The following CACHD1 variants were observed in gnomAD, a reference collection of about 807,000 sequenced individuals.
The protein encoded by CACHD1 is VWFA and cache domain-containing protein 1.
Under a neutral mutation model 138.7 loss-of-function variants are expected in CACHD1, and 71 were observed. That is an observed-to-expected ratio of 0.51 (90% CI 0.42 to 0.62). The LOEUF (loss-of-function observed/expected upper bound fraction) is 0.62. Among genes scored for constraint, CACHD1 ranks in the 20% least tolerant of loss-of-function variants. The pLI is 0.00. For missense variants in CACHD1, 1,389 were observed against 1,625.3 expected (o/e 0.85, Z 2.50); for synonymous variants, 578 against 591.5 (o/e 0.98, Z 0.33).
intron 1 of CACHD1, among the ~76,000 whole-genome samples, chr1:64,482,815 T>G (rs913909716): frequency 6.6e-6 from 1 of 152,150 alleles, no homozygotes; most frequent in Non-Finnish European, 1.5e-5. Context: ...ATAACAAATG[T>G]AGGCAAGAGT....
chr1:64,678,295 G>A lies in CACHD1; in HGVS notation c.3229G>A (p.Asp1077Asn), dbSNP rs1382505388. 6.3e-7 allele frequency: 1 copy of A among 1,584,448 alleles called. No individual in the cohort carries two copies. The highest frequency in any genetic ancestry group is 1.9e-5 in the Admixed American group (1 of 51,760). ...GGGAGCCAAAAGTCCCTACGTTGAT[G>A]ACATGGGAGCAATAGGTATGTTTGT... ...IVGAKSPYVD[D>N]MGAIGDEVIT... Residue 1077 changes from aspartate (D) to asparagine (N), a missense_variant, in exon 23 of 27, where the codon GAC (aspartate) becomes AAC (asparagine). Asp to Asn is a conservative substitution (Grantham distance 23). Coordinates refer to ENST00000651257, the MANE Select transcript of CACHD1 (RefSeq NM_020925.4).
At chr1:64,582,979 G>A (rs1210359886) in intron 3 of CACHD1, among the ~76,000 whole-genome samples, 1 of 152,128 alleles carries the variant, frequency 6.6e-6, no homozygotes, top group Non-Finnish European at 1.5e-5. Flanking sequence ...TTCTACCAAT[G>A]TGGAAAATAA....
intron 20 of CACHD1, 87 bp from the exon 21 acceptor site, chr1:64,675,810 A>G (rs1038138104): frequency 3.5e-5 from 30 of 867,794 alleles, no homozygotes; most frequent in Non-Finnish European, 4.8e-5. Flanking sequence ...ACTAGCTCAG[A>G]GCTTCATTAT....
intron 4 of CACHD1, among the ~76,000 whole-genome samples, chr1:64,618,164 A>G (rs1169267466): frequency 6.6e-6 from 1 of 152,150 alleles, no homozygotes. Context: ...AAAAATAGCA[A>G]TAACAGTGGA....
intron 13 of CACHD1, among the ~76,000 whole-genome samples, chr1:64,659,257 A>G (rs1471995703): frequency 2.0e-5 from 3 of 152,202 alleles, no homozygotes; most frequent in Non-Finnish European, 4.4e-5. Flanking sequence ...AGAGAGCTCA[A>G]CTTTCACATT....
chr1:64,634,170 T>C lies in CACHD1; in HGVS notation c.916T>C (p.Ser306Pro), dbSNP rs528226784. The change falls in exon 7 of 27, where the codon TCT becomes CCT. Residue 306 changes from serine (S) to proline (P), a missense_variant. Ser to Pro is a moderately conservative substitution (Grantham distance 74). Transcript: ENST00000651257. The stretch of plus-strand genomic sequence containing the variant: ...GTCCACCTTTGTTAGCAGCGTGAAG[T>C]CTTCAGACAGTCCTACCCAGCACGC... ...KMSTFVSSVKSSDSPTQHAVG... is the reference protein window; with the variant it reads ...KMSTFVSSVKPSDSPTQHAVG... 6.2e-7 allele frequency: 1 copy of C among 1,614,026 alleles called. No homozygotes were observed. The highest frequency in any genetic ancestry group is 1.7e-5 in the Admixed American group (1 of 60,014).
intron 1 of CACHD1, among the ~76,000 whole-genome samples, chr1:64,539,945 G>T (rs759264015): frequency 4.6e-5 from 7 of 152,270 alleles, no homozygotes; most frequent in Non-Finnish European, 1.0e-4. Context: ...ACTGTTCACT[G>T]TTGCTTTTTA....
intron 1 of CACHD1, among the ~76,000 whole-genome samples, chr1:64,481,866 C>A (rs930104348): frequency 6.6e-6 from 1 of 152,036 alleles, no homozygotes. Context: ...CTGCTTGACT[C>A]TATATATAAA....
chr1:64,543,108 T>C (rs1186741769), intron 1 of CACHD1, among the ~76,000 whole-genome samples: 2 of 152,166 alleles, frequency 1.3e-5, no homozygotes, highest in East Asian at 3.9e-4. Context: ...CTGCACAATG[T>C]TTTTGATTGG....
intron 3 of CACHD1, among the ~76,000 whole-genome samples, chr1:64,592,393 A>G (rs191215064): frequency 2.3e-3 from 344 of 152,322 alleles, no homozygotes; most frequent in Non-Finnish European, 3.6e-3. Context: ...CATAGGACAC[A>G]TGTAGAGTAA....
At chr1:64,572,558 C>T (rs1278233795) in intron 2 of CACHD1, among the ~76,000 whole-genome samples, 1 of 152,074 alleles carries the variant, frequency 6.6e-6, no homozygotes, top group East Asian at 1.9e-4. Flanking sequence ...AACTGTTATC[C>T]AAACCAACCC....
chr1:64,660,446 TATA>T (rs1244065096), intron 13 of CACHD1, among the ~76,000 whole-genome samples: 1 of 152,204 alleles, frequency 6.6e-6, no homozygotes, highest in Non-Finnish European at 1.5e-5. Context: ...ATGTTAAAAT[TATA>T]ATGCTATTGT....
intron 1 of CACHD1, among the ~76,000 whole-genome samples, chr1:64,539,284 A>C (rs1285082570): frequency 6.6e-6 from 1 of 152,204 alleles, no homozygotes; most frequent in Non-Finnish European, 1.5e-5. Flanking sequence ...TCCCCAGTTA[A>C]AAATCCTTTT....
chr1:64,633,235 G>A (rs1648377955), intron 6 of CACHD1, among the ~76,000 whole-genome samples: 1 of 152,160 alleles, frequency 6.6e-6, no homozygotes, highest in East Asian at 1.9e-4. Context: ...TTGTATGTCA[G>A]GGACCATCTG....
At chr1:64,664,718 C>G in intron 15 of CACHD1, 39 bp downstream of exon 15, 1 of 1,587,758 alleles carries the variant, frequency 6.3e-7, no homozygotes, top group Non-Finnish European at 8.6e-7. Flanking sequence ...GGTTCTCCCC[C>G]AAATCCTGGA....
intron 7 of CACHD1, among the ~76,000 whole-genome samples, chr1:64,634,708 T>C (rs1026566196): frequency 2.6e-5 from 4 of 151,780 alleles, no homozygotes; most frequent in Non-Finnish European, 4.4e-5. Flanking sequence ...AAAAAATTGA[T>C]TGGGGGCGAG....
At chr1:64,546,401 C>G (rs1646718582) in intron 1 of CACHD1, among the ~76,000 whole-genome samples, 1 of 151,724 alleles carries the variant, frequency 6.6e-6, no homozygotes, top group Admixed American at 6.6e-5. Flanking sequence ...GTAGCACAAT[C>G]TTGGCTCACT....
chr1:64,593,040 G>A (rs751045163), intron 3 of CACHD1, among the ~76,000 whole-genome samples: 1 of 152,174 alleles, frequency 6.6e-6, no homozygotes, highest in East Asian at 1.9e-4. Context: ...ACTAAAGGGT[G>A]AAAAGAGGAG....
chr1:64,477,627 T>A (rs1216977910), intron 1 of CACHD1, among the ~76,000 whole-genome samples: 19 of 120,246 alleles, frequency 1.6e-4, no homozygotes, highest in South Asian at 5.0e-4. Flanking sequence ...TATTATTATT[T>A]TATTTTATTT....
Sources: gnomAD v4.1 joint callset for allele counts (sites outside exome capture counted in the v4.1 genomes callset) on GRCh38, gnomAD v4.1.1 for gene constraint, MANE v1.5 for transcripts, NCBI Gene and HGNC (gene_info 2026-07-23, HGNC 2026-07-21) for gene names.